Variants in LRP1B observed in about 807,000 individuals in gnomAD.
LRP1B encodes the protein LDL receptor related protein 1B.
A neutral mutation model predicts 556.6 loss-of-function variants in LRP1B; 217 were observed. The observed-to-expected ratio is 0.39, with a 90% CI of 0.35 to 0.44. LRP1B has a LOEUF of 0.44. LRP1B is among the 20% of genes least tolerant of loss of function. The probability of loss-of-function intolerance (pLI) is 1.00; values close to 1 mark genes in which losing one functional copy is unlikely to be tolerated. For synonymous variants in LRP1B, 2,047 were observed against 1,865.8 expected (o/e 1.10, Z -2.50); for missense variants, 5,053 against 5,620.8 (o/e 0.90, Z 3.23).
intron 41 of LRP1B, among the ~76,000 whole-genome samples, chr2:140,619,394 T>G (rs1683374652): frequency 6.6e-6 from 1 of 152,156 alleles, no homozygotes; most frequent in Non-Finnish European, 1.5e-5. Flanking sequence ...ATATACTTTT[T>G]TAAAACATTT....
At chr2:140,656,062 A>G (rs913630456) in intron 41 of LRP1B, among the ~76,000 whole-genome samples, 2 of 152,244 alleles carry the variant, frequency 1.3e-5, no homozygotes, top group African/African-American at 2.4e-5. Flanking sequence ...AATAAATGCC[A>G]TATTATAGTA....
intron 1 of LRP1B, among the ~76,000 whole-genome samples, chr2:142,042,436 T>C (rs1440375569): frequency 6.6e-6 from 1 of 151,438 alleles, no homozygotes; most frequent in African/African-American, 2.4e-5. Context: ...CTGGAATAAG[T>C]AAAGCAAATT....
chr2:141,247,274 C>G lies in LRP1B; in HGVS notation c.544G>C (p.Glu182Gln). ...TTGTCTGGCTGCATTAGGTAGCCTTCCACACAACTGCAAGTGTAGGATCCA... is the reference window on the plus strand; with the variant it reads ...TTGTCTGGCTGCATTAGGTAGCCTTGCACACAACTGCAAGTGTAGGATCCA... Reference protein sequence around the residue: ...THGSYTCSCVEGYLMQPDNRS... With the variant: ...THGSYTCSCVQGYLMQPDNRS... Residue 182 changes from glutamate (E) to glutamine (Q), a missense_variant, in exon 5 of 91, where the codon GAA becomes CAA. This residue lies in a region of LRP1B where 3,619 missense variants were observed against 3,931.9 expected (regional missense o/e 0.92). Coordinates refer to ENST00000389484, the MANE Select transcript of LRP1B (RefSeq NM_018557.3). The G allele has an allele frequency of 6.2e-6, 10 of 1,613,706 alleles. No homozygotes were observed. Among genetic ancestry groups the G allele is most frequent in the Non-Finnish European group, 8.5e-6 (10 of 1,179,710 alleles).
At chr2:141,696,382 A>C (rs1369049831) in intron 2 of LRP1B, among the ~76,000 whole-genome samples, 1 of 152,016 alleles carries the variant, frequency 6.6e-6, no homozygotes, top group East Asian at 1.9e-4. Context: ...GTTACTTTTA[A>C]TATTGAATAA....
intron 3 of LRP1B, among the ~76,000 whole-genome samples, chr2:141,476,951 C>A (rs1333773992): frequency 1.3e-5 from 2 of 152,062 alleles, no homozygotes; most frequent in Non-Finnish European, 2.9e-5. Context: ...TGGAGAAACT[C>A]CATTTCTACC....
chr2:141,756,609 C>T (rs1694329351), intron 2 of LRP1B, among the ~76,000 whole-genome samples: 1 of 150,840 alleles, frequency 6.6e-6, no homozygotes, highest in African/African-American at 2.4e-5. Context: ...ACATTTGAAA[C>T]ATTGTTGGAA....
intron 21 of LRP1B, among the ~76,000 whole-genome samples, chr2:140,908,447 A>C (rs1432389868): frequency 1.3e-5 from 2 of 150,020 alleles, no homozygotes; most frequent in Non-Finnish European, 3.0e-5. Flanking sequence ...GTTAAAAGCA[A>C]ACTTTAAAGA....
At chr2:141,866,802 G>T (rs1232684318) in intron 1 of LRP1B, among the ~76,000 whole-genome samples, 1 of 151,690 alleles carries the variant, frequency 6.6e-6, no homozygotes, top group Non-Finnish European at 1.5e-5. Flanking sequence ...AAGAGAAGGG[G>T]AGAGGAGGAG....
intron 3 of LRP1B, among the ~76,000 whole-genome samples, chr2:141,408,945 T>C (rs1174900221): frequency 6.6e-6 from 1 of 152,184 alleles, no homozygotes; most frequent in African/African-American, 2.4e-5. Flanking sequence ...TATATAGCAA[T>C]ATAAATGAAG....
intron 1 of LRP1B, among the ~76,000 whole-genome samples, chr2:141,882,570 C>A (rs1439306258): frequency 6.6e-6 from 1 of 152,148 alleles, no homozygotes; most frequent in Non-Finnish European, 1.5e-5. Flanking sequence ...TTATACCAAG[C>A]ACCCAATAAG....
intron 55 of LRP1B, 144 bp downstream of exon 55, chr2:140,501,543 G>A: frequency 2.1e-6 from 1 of 483,222 alleles, no homozygotes. Flanking sequence ...CTACTATTAT[G>A]GTATCTTCAT....
intron 1 of LRP1B, among the ~76,000 whole-genome samples, chr2:141,924,709 C>A (rs997232727): frequency 1.3e-5 from 2 of 152,154 alleles, no homozygotes; most frequent in Non-Finnish European, 2.9e-5. Context: ...GTGAGCCACA[C>A]CCCTGTCACA....
Position 140,930,325 on chromosome 2 carries a change from A to G in LRP1B, c.3137-7178T>C, listed in dbSNP as rs936984403. Among the ~76,000 whole-genome samples the G allele has an allele frequency of 3.3e-5, 5 of 152,226 alleles. No homozygotes were observed. In the East Asian group the frequency reaches 9.7e-4, roughly 29 times the overall value. On this transcript the variant is annotated intron_variant, in intron 20 of 90. Coordinates refer to ENST00000389484, the MANE Select transcript of LRP1B (RefSeq NM_018557.3). ...AGCATACAATTTGGGGACTCTGATA[A>G]ATAAGTAAATACAGAGCCCTGAAGG... is the stretch of plus-strand genomic sequence containing the variant.
chr2:140,922,182 G>C (rs1694754604), intron 21 of LRP1B, among the ~76,000 whole-genome samples: 1 of 151,940 alleles, frequency 6.6e-6, no homozygotes, highest in South Asian at 2.1e-4. Context: ...AAGAAAATAA[G>C]TTTATCATTT....
At chr2:141,556,756 C>T (rs1416606139) in intron 2 of LRP1B, among the ~76,000 whole-genome samples, 1 of 151,796 alleles carries the variant, frequency 6.6e-6, no homozygotes, top group African/African-American at 2.4e-5. Context: ...TATACGGAGG[C>T]TCATTTCTAC....
intron 2 of LRP1B, among the ~76,000 whole-genome samples, chr2:141,627,463 G>A (rs1408078005): frequency 6.6e-6 from 1 of 152,126 alleles, no homozygotes; most frequent in East Asian, 1.9e-4. Flanking sequence ...GTTAGGAAGT[G>A]GGCCGCACAG....
At chr2:141,089,636 A>C (rs750308733) in intron 7 of LRP1B, among the ~76,000 whole-genome samples, 89 of 152,316 alleles carry the variant, frequency 5.8e-4, no homozygotes, top group Non-Finnish European at 1.1e-3. Context: ...GGTGCATCCC[A>C]CTGGGGAAAC....
At chr2:141,929,130 A>C (rs957642091) in intron 1 of LRP1B, among the ~76,000 whole-genome samples, 1 of 152,108 alleles carries the variant, frequency 6.6e-6, no homozygotes, top group Non-Finnish European at 1.5e-5. Flanking sequence ...AGAAGATTTA[A>C]AGGTAAGGAT....
intron 41 of LRP1B, among the ~76,000 whole-genome samples, chr2:140,615,941 A>G (rs952339754): frequency 6.6e-6 from 1 of 152,042 alleles, no homozygotes; most frequent in African/African-American, 2.4e-5. Flanking sequence ...TCAGTTCTGT[A>G]TCTCCAGAAC....
Sources: gnomAD v4.1 joint callset for allele counts (sites outside exome capture counted in the v4.1 genomes callset) on GRCh38, gnomAD v4.1.1 for gene constraint, gnomAD v4.1.1 regional missense constraint, MANE v1.5 for transcripts, NCBI Gene and HGNC (gene_info 2026-07-23, HGNC 2026-07-21) for gene names.